NRXN1: variants seen among roughly 807,000 people sequenced by gnomAD.
The protein encoded by NRXN1 is neurexin 1, also known as neurexin-1.
In NRXN1, 39 loss-of-function variants were observed where a neutral mutation model predicts 150.9. The ratio of observed to expected loss-of-function variants is 0.26; its 90% CI spans 0.20 to 0.34. The LOEUF is 0.34. Among genes scored for constraint, NRXN1 ranks in the 10% least tolerant of loss-of-function variants. NRXN1 has a pLI of 1.00. For missense variants in NRXN1, 1,815 were observed against 1,949.9 expected (o/e 0.93, Z 1.30); for synonymous variants, 924 against 757.0 (o/e 1.22, Z -3.62).
chr2:50,970,002 T>A (rs1694755999), intron 2 of NRXN1, among the ~76,000 whole-genome samples: 1 of 152,184 alleles, frequency 6.6e-6, no homozygotes, highest in South Asian at 2.1e-4. Flanking sequence ...AAGGTCTATC[T>A]GTCTAGACTC....
chr2:50,736,295 C>A (rs1698739803), intron 5 of NRXN1, among the ~76,000 whole-genome samples: 1 of 152,148 alleles, frequency 6.6e-6, no homozygotes, highest in Admixed American at 6.5e-5. Context: ...AATGTCATTT[C>A]TTTAGAAAAG....
rs764741914 is a variant in NRXN1 at position 50,531,228 on chromosome 2, T to C, written c.2346A>G (p.Leu782=). The change falls in exon 11 of 23, where the codon CTA becomes CTG. Residue 782 remains leucine (L), a splice_region_variant and synonymous_variant. Transcript: ENST00000401669. Reference sequence around the variant, plus strand: ...CAATGGGGGAAGGCAGGTTGTTACCTAGATTGACCGTCAGTTTCACACGTC... The same window carrying C: ...CAATGGGGGAAGGCAGGTTGTTACCCAGATTGACCGTCAGTTTCACACGTC... The part of the protein sequence containing the change: ...DAGRVKLTVN[L]DCIRINCNSS... 3 of 1,612,112 alleles carry C rather than the reference T, an allele frequency of 1.9e-6. No individual in the cohort carries two copies. Among genetic ancestry groups the C allele is most frequent in the Non-Finnish European group, 2.5e-6 (3 of 1,179,148 alleles).
intron 5 of NRXN1, among the ~76,000 whole-genome samples, chr2:50,665,711 G>A (rs567373567): frequency 2.3e-4 from 35 of 152,016 alleles, no homozygotes; most frequent in African/African-American, 8.2e-4. Flanking sequence ...TCAAAGTGAG[G>A]CCCTTCTCTA....
At chr2:49,975,355 A>G (rs1678776056) in intron 21 of NRXN1, among the ~76,000 whole-genome samples, 1 of 152,100 alleles carries the variant, frequency 6.6e-6, no homozygotes, top group African/African-American at 2.4e-5. Context: ...TAATTCTAAC[A>G]TCTTTTAGAG....
chr2:50,184,056 CTG>C (rs1408048337), intron 18 of NRXN1, among the ~76,000 whole-genome samples: 1 of 152,120 alleles, frequency 6.6e-6, no homozygotes, highest in Non-Finnish European at 1.5e-5. Context: ...AAAAATAAAT[CTG>C]TAAAAAGTTC....
At chr2:50,664,680 T>C (rs1687777204) in intron 5 of NRXN1, among the ~76,000 whole-genome samples, 1 of 151,618 alleles carries the variant, frequency 6.6e-6, no homozygotes, top group African/African-American at 2.4e-5. Flanking sequence ...CCAGAAACTC[T>C]GCCATGAGTT....
chr2:50,974,636 T>G (rs1238180202), intron 2 of NRXN1, among the ~76,000 whole-genome samples: 1 of 152,056 alleles, frequency 6.6e-6, no homozygotes, highest in Non-Finnish European at 1.5e-5. Flanking sequence ...ATTATCTTAC[T>G]AAGGCCCTCA....
rs116434316 is a variant in NRXN1 at position 50,098,660 on chromosome 2, C to G, written c.3547-7166G>C. 1.7e-3 allele frequency among the ~76,000 whole-genome samples: 265 copies of G among 152,152 alleles called. 1 individual carries two copies. Among genetic ancestry groups the G allele is most frequent in the African/African-American group, 5.6e-3 (234 of 41,534 alleles). On this transcript the variant is annotated intron_variant, in intron 18 of 22. Transcript: ENST00000401669. Reference sequence around the variant, plus strand: ...AAACTTTAATCTTGCTGAAATCACACAGCCAATAATTATGGGTACTGAAAT... The same window carrying G: ...AAACTTTAATCTTGCTGAAATCACAGAGCCAATAATTATGGGTACTGAAAT...
intron 17 of NRXN1, among the ~76,000 whole-genome samples, chr2:50,397,019 C>A (rs188300424): frequency 4.3e-4 from 66 of 152,124 alleles, no homozygotes; most frequent in African/African-American, 1.5e-3. Context: ...AGAAGCAGCA[C>A]GTTCCACTCC....
chr2:50,973,999 TAA>T (rs11308522), intron 2 of NRXN1, among the ~76,000 whole-genome samples: 2 of 151,346 alleles, frequency 1.3e-5, no homozygotes, highest in South Asian at 4.2e-4. Context: ...ACATCTGATG[TAA>T]AAAAAAATAC....
intron 17 of NRXN1, among the ~76,000 whole-genome samples, chr2:50,461,601 T>C (rs1483557444): frequency 6.6e-6 from 1 of 151,974 alleles, no homozygotes; most frequent in Non-Finnish European, 1.5e-5. Flanking sequence ...TAATAGGTGA[T>C]ATATAAAATT....
At chr2:50,533,996 G>A (rs912333315) in intron 10 of NRXN1, among the ~76,000 whole-genome samples, 2 of 151,838 alleles carry the variant, frequency 1.3e-5, no homozygotes, top group African/African-American at 4.8e-5. Context: ...TACCTTGAGG[G>A]CAGAGATCAG....
In NRXN1 at chr2:50,163,164, G is replaced by GTATATATATATATATATATATATA. The variant is rs59163565; in HGVS notation, c.3547-71671_3547-71670insTATATATATATATATATATATATA. On this transcript the variant is annotated intron_variant, in intron 18 of 22. Coordinates refer to ENST00000401669, the MANE Select transcript of NRXN1 (RefSeq NM_001330078.2). ...AGTTATAGATCTATCAATCCAAAAT[G>GTATATATATATATATATATATATA]TATATATATATATATATATATAAAA... Among the ~76,000 whole-genome samples, 379 of 141,628 alleles carry GTATATATATATATATATATATATA rather than the reference G, an allele frequency of 2.7e-3. 2 individuals carry two copies. Among genetic ancestry groups the GTATATATATATATATATATATATA allele is most frequent in the Non-Finnish European group, 3.8e-3 (244 of 64,960 alleles). 92.9% of individuals were successfully genotyped at this position (141,628 alleles called of 152,430 possible). A position where few individuals can be genotyped will look rare whatever the true frequency, so the allele number is the denominator to read the frequency against.
At chr2:49,933,067 C>CT (rs769734405) in intron 22 of NRXN1, among the ~76,000 whole-genome samples, 1 of 151,836 alleles carries the variant, frequency 6.6e-6, no homozygotes, top group African/African-American at 2.4e-5. Flanking sequence ...GGTGTATTTT[C>CT]TTTTTTTGTT....
chr2:50,960,945 G>A (rs952201249), intron 2 of NRXN1, among the ~76,000 whole-genome samples: 1 of 151,970 alleles, frequency 6.6e-6, no homozygotes, highest in African/African-American at 2.4e-5. Context: ...TTAAGCAACT[G>A]TCTCTGTTAA....
At chr2:50,580,616 T>C (rs866332911) in intron 8 of NRXN1, among the ~76,000 whole-genome samples, 1 of 152,252 alleles carries the variant, frequency 6.6e-6, no homozygotes, top group Middle Eastern at 3.4e-3. Context: ...ATGTGTCAAG[T>C]GAAGGAAGGT....
chr2:50,185,032 G>C (rs994265029), intron 18 of NRXN1, among the ~76,000 whole-genome samples: 2 of 152,062 alleles, frequency 1.3e-5, no homozygotes, highest in Admixed American at 6.6e-5. Flanking sequence ...AACTTGCCCA[G>C]GTAGTGTGAC....
intron 5 of NRXN1, chr2:50,632,345 C>A (rs1303324989): frequency 6.6e-6 from 1 of 151,840 alleles, no homozygotes. Flanking sequence ...TTAATATACA[C>A]AGATGATAGC....
chr2:50,072,334 C>A (rs1377235), intron 19 of NRXN1, among the ~76,000 whole-genome samples: 1 of 151,828 alleles, frequency 6.6e-6, no homozygotes, highest in African/African-American at 2.4e-5. Context: ...AAGACAAATC[C>A]TTACTTATGT....
Sources: allele counts gnomAD v4.1 joint callset (sites outside exome capture counted in the v4.1 genomes callset), GRCh38; gene constraint gnomAD v4.1.1; transcripts MANE v1.5; gene names NCBI Gene and HGNC (gene_info 2026-07-23, HGNC 2026-07-21).